Variants in PHF8 observed in about 807,000 individuals in gnomAD.
PHF8 encodes PHD finger protein 8.
Under a neutral mutation model 74.4 loss-of-function variants are expected in PHF8, and 9 were observed. The observed-to-expected ratio is 0.12, with a 90% CI of 0.07 to 0.21. The LOEUF (loss-of-function observed/expected upper bound fraction) is 0.21, where lower values mean the gene tolerates loss of function less well. Ranked by LOEUF, PHF8 falls within the 10% of genes least tolerant of loss-of-function variation. The pLI is 1.00. For synonymous variants in PHF8, 311 were observed against 316.6 expected, an observed-to-expected ratio of 0.98 and a Z score of 0.19; for missense variants, 478 against 816.6, an observed-to-expected ratio of 0.59 and a Z score of 5.05.
chrX:53,985,734 G>T, intron 17 of PHF8, 82 bp downstream of exon 17: 2 of 1,200,595 alleles, frequency 1.7e-6, no homozygotes, highest in Non-Finnish European at 2.3e-6. Context: ...AATATCTACT[G>T]ATTGGCTGAC....
Position 53,937,292 on chromosome X carries a change from G to A in PHF8, c.*1866C>T, listed in dbSNP as rs1017358454. On this transcript the variant is annotated 3_prime_UTR_variant, in exon 22 of 22. Coordinates refer to ENST00000338154, the MANE Select transcript of PHF8 (RefSeq NM_015107.3). ...GAAATAGAGGGAAAAGGCCGGAATC[G>A]GGGGGATTTGCTAGCAATTAGCTGC... The A allele has an allele frequency of 1.8e-5, 2 of 111,563 alleles. No homozygotes were observed. 9.2% of individuals were successfully genotyped at this position (111,563 alleles called of 1,213,427 possible).
In PHF8 at chrX:53,938,185, C is replaced by A. The variant is rs1170248925; in HGVS notation, c.*973G>T. ...GACCCAGGTGTGGGCCGTCCCGCCA[C>A]ACCCTCCATAATGTCCAGGCTGTGC... On this transcript the variant is annotated 3_prime_UTR_variant, in exon 22 of 22. Transcript: ENST00000338154. The A allele has an allele frequency of 1.8e-5, 20 of 1,098,615 alleles. No individual in the cohort carries two copies. Among genetic ancestry groups the A allele is most frequent in the Non-Finnish European group, 2.3e-5 (19 of 841,881 alleles). The allele number at this position is 1,098,615 out of a possible 1,213,427, so 90.5% of individuals were successfully genotyped here.
chrX:54,018,094 C>G (rs1171191399), intron 4 of PHF8, among the ~76,000 whole-genome samples: 1 of 112,072 alleles, frequency 8.9e-6, no homozygotes, highest in Non-Finnish European at 1.9e-5. Flanking sequence ...AAAGAAAAGA[C>G]ACATCTGACA....
At chrX:53,953,319 T>C (rs1472708891) in intron 19 of PHF8, among the ~76,000 whole-genome samples, 5 of 40,089 alleles carry the variant, frequency 1.2e-4, no homozygotes, top group African/African-American at 5.4e-4. Flanking sequence ...CCCTCACATA[T>C]AGAGAGATAA....
At chrX:54,047,778 A>T (rs2066640594), upstream of PHF8, among the ~76,000 whole-genome samples, 1 of 111,363 alleles carries the variant, frequency 9.0e-6, no homozygotes, top group Non-Finnish European at 1.9e-5. Context: ...ATAGAGAATG[A>T]TTTGAAAGGA....
intron 18 of PHF8, among the ~76,000 whole-genome samples, chrX:53,973,895 T>A (rs2065332628): frequency 9.0e-6 from 1 of 111,709 alleles, no homozygotes; most frequent in South Asian, 3.7e-4. Flanking sequence ...AATATATCCA[T>A]CTGGCAAAGG....
In PHF8 at chrX:54,011,344, C is replaced by T. The variant is rs782315208; in HGVS notation, c.784-60G>A. Reference sequence around the variant, plus strand: ...CAAGGGTTTCCAGAAAAGTCCTTAACGGGTACTCCAAAGGGGTATTTCTCC... The same window carrying T: ...CAAGGGTTTCCAGAAAAGTCCTTAATGGGTACTCCAAAGGGGTATTTCTCC... On this transcript the variant is annotated intron_variant, in intron 7 of 21. Coordinates refer to ENST00000338154, the MANE Select transcript of PHF8 (RefSeq NM_015107.3). The T allele has an allele frequency of 6.0e-5, 58 of 969,232 alleles. No homozygotes were observed. In the East Asian group the frequency reaches 6.5e-4, roughly 11 times the overall value. The allele number at this position is 969,232 out of a possible 1,213,427, so 79.9% of individuals were successfully genotyped here. A position where few individuals can be genotyped will look rare whatever the true frequency, so the allele number is the denominator to read the frequency against.
chrX:54,017,393 T>C (rs1017609498), intron 5 of PHF8, among the ~76,000 whole-genome samples: 10 of 111,883 alleles, frequency 8.9e-5, no homozygotes, highest in African/African-American at 3.3e-4. Flanking sequence ...GAGGCTGCAG[T>C]GAGTTAATTG....
intron 12 of PHF8, among the ~76,000 whole-genome samples, chrX:53,994,166 CA>C (rs2065712053): frequency 8.9e-6 from 1 of 112,376 alleles, no homozygotes; most frequent in Non-Finnish European, 1.9e-5. Flanking sequence ...AAGTAGCTGA[CA>C]TGAGACAGAA....
intron 2 of PHF8, among the ~76,000 whole-genome samples, chrX:54,035,699 A>C (rs1190963895): frequency 9.0e-6 from 1 of 111,235 alleles, no homozygotes; most frequent in Non-Finnish European, 1.9e-5. Flanking sequence ...GCTATTGTAG[A>C]GGCTGAAGCA....
chrX:53,984,172 C>T (rs1156278266), intron 18 of PHF8, among the ~76,000 whole-genome samples: 1 of 111,999 alleles, frequency 8.9e-6, no homozygotes, highest in Non-Finnish European at 1.9e-5. Context: ...TCGAGATCAC[C>T]CTAGCCAACA....
In PHF8 at chrX:54,044,116, C is replaced by T. The variant is rs1336746272; in HGVS notation, c.-447G>A. ...GAGCAGCCTCCTCCACAACATTCCC[C>T]TCGGCCCGGCCGTTCGGGCCTACTG... On this transcript the variant is annotated 5_prime_UTR_variant, in exon 1 of 22. Coordinates refer to ENST00000338154, the MANE Select transcript of PHF8 (RefSeq NM_015107.3). 1.3e-6 allele frequency: 1 copy of T among 754,432 alleles called. No homozygotes were observed. Among genetic ancestry groups the T allele is most frequent in the Non-Finnish European group, 1.6e-6 (1 of 639,399 alleles). The allele number at this position is 754,432 out of a possible 1,213,427, so 62.2% of individuals were successfully genotyped here.
In PHF8 at chrX:53,938,126, G is replaced by A. The variant is rs1380367680; in HGVS notation, c.*1032C>T. The A allele has an allele frequency of 8.8e-7, 1 of 1,142,225 alleles. No homozygotes were observed. The highest frequency in any genetic ancestry group is 3.3e-5 in the East Asian group (1 of 30,285). The allele number at this position is 1,142,225 out of a possible 1,213,427, so 94.1% of individuals were successfully genotyped here. A position where few individuals can be genotyped will look rare whatever the true frequency, so the allele number is the denominator to read the frequency against. ...GGTCTTCTTCAGACCAAGACCTCAG[G>A]TGGAGAAAGAAGCATGAAAAGTTCC... is the stretch of plus-strand genomic sequence containing the variant. On this transcript the variant is annotated 3_prime_UTR_variant, in exon 22 of 22. Transcript: ENST00000338154.
intron 18 of PHF8, among the ~76,000 whole-genome samples, chrX:53,980,450 CAG>C (rs782253982): frequency 1.8e-5 from 2 of 110,692 alleles, no homozygotes; most frequent in East Asian, 5.7e-4. Context: ...GCAAGCCAAG[CAG>C]AGAGACCTCA....
At chrX:53,966,389 G>A (rs782806431) in intron 18 of PHF8, among the ~76,000 whole-genome samples, 2 of 112,552 alleles carry the variant, frequency 1.8e-5, no homozygotes, top group South Asian at 3.6e-4. Context: ...GTGCCGCCAC[G>A]CCTGACTGGT....
chrX:53,992,011 C>T (rs965112805), intron 14 of PHF8, among the ~76,000 whole-genome samples: 1 of 111,913 alleles, frequency 8.9e-6, no homozygotes, highest in Admixed American at 9.6e-5. Flanking sequence ...TTATTTCTAA[C>T]GCTTGTATAT....
chrX:54,006,500 T>G (rs1422770915), intron 8 of PHF8, among the ~76,000 whole-genome samples: 2 of 111,256 alleles, frequency 1.8e-5, no homozygotes, highest in African/African-American at 6.5e-5. Context: ...GAGGTATGGT[T>G]TCAACCCTTC....
intron 2 of PHF8, among the ~76,000 whole-genome samples, chrX:54,040,593 T>C (rs2066536513): frequency 9.0e-6 from 1 of 111,591 alleles, no homozygotes; most frequent in Admixed American, 9.6e-5. Flanking sequence ...AGGGCATTAG[T>C]GGGAGTTTGC....
At chrX:53,998,341 C>A (rs2065779164) in intron 11 of PHF8, among the ~76,000 whole-genome samples, 1 of 111,028 alleles carries the variant, frequency 9.0e-6, no homozygotes, top group Admixed American at 9.6e-5. Flanking sequence ...GTAATCCCAG[C>A]TACTCAGGAG....
Sources: gnomAD v4.1 joint callset for allele counts (sites outside exome capture counted in the v4.1 genomes callset) on GRCh38, gnomAD v4.1.1 for gene constraint, MANE v1.5 for transcripts, NCBI Gene and HGNC (gene_info 2026-07-23, HGNC 2026-07-21) for gene names.